POFUT4: variants seen among roughly 807,000 people sequenced by gnomAD.
POFUT4 encodes protein O-fucosyltransferase 4.
the POFUT4 span, chr10:73,772,851 G>T: frequency 3.1e-6 from 5 of 1,612,148 alleles, no homozygotes; most frequent in South Asian, 4.4e-5. Context: ...ACCTTCAGTC[G>T]CCACTCGGAT....
At chr10:73,775,276 C>A in the POFUT4 span, 1 of 752,410 alleles carries the variant, frequency 1.3e-6, no homozygotes, top group Non-Finnish European at 2.2e-6. Context: ...GCCTCTGAAC[C>A]CCCTCCACAT....
the POFUT4 span, among the ~76,000 whole-genome samples, chr10:73,777,067 T>C: frequency 2.0e-5 from 3 of 152,188 alleles, no homozygotes; most frequent in East Asian, 1.9e-4. Flanking sequence ...CTTGCCATCA[T>C]TCTTACTGCT....
the POFUT4 span, among the ~76,000 whole-genome samples, chr10:73,778,435 AG>A: frequency 6.7e-6 from 1 of 149,688 alleles, no homozygotes; most frequent in Non-Finnish European, 1.5e-5. Flanking sequence ...TTGGGGATGC[AG>A]CCAAACCCTT....
chr10:73,774,492 T>G, the POFUT4 span: 1 of 151,920 alleles, frequency 6.6e-6, no homozygotes, highest in African/African-American at 2.4e-5. Context: ...ATATATAATA[T>G]AATATATTGA....
At chr10:73,772,996 A>C in the POFUT4 span, 2 of 1,594,650 alleles carry the variant, frequency 1.3e-6, no homozygotes, top group African/African-American at 2.7e-5. Flanking sequence ...GCGACGTGCC[A>C]GCGGACCGGG....
the POFUT4 span, chr10:73,772,739 C>T: frequency 1.3e-6 from 2 of 1,598,454 alleles, no homozygotes; most frequent in African/African-American, 2.7e-5. Context: ...CCCGCTGCCG[C>T]GCCTGGCGCA....
the POFUT4 span, chr10:73,773,241 C>T: frequency 1.2e-6 from 2 of 1,613,704 alleles, no homozygotes; most frequent in Non-Finnish European, 8.5e-7. Context: ...TACCGCGCGG[C>T]TACAGGACAC....
the POFUT4 span, chr10:73,773,656 G>A: frequency 6.2e-7 from 1 of 1,614,242 alleles, no homozygotes; most frequent in Non-Finnish European, 8.5e-7. Context: ...TGTTTCGTCT[G>A]TGACTACGAA....
the POFUT4 span, chr10:73,772,829 A>G: frequency 1.2e-6 from 2 of 1,612,158 alleles, no homozygotes; most frequent in Non-Finnish European, 1.7e-6. Flanking sequence ...CCGCCTCTTC[A>G]ATCTTACCTC....
At chr10:73,772,457 T>G in the POFUT4 span, 2 of 1,559,192 alleles carry the variant, frequency 1.3e-6, no homozygotes, top group Non-Finnish European at 1.7e-6. Context: ...GGCGGAACCG[T>G]GGGATGGCGC....
At chr10:73,773,936 GTATT>G in the POFUT4 span, 1 of 1,101,800 alleles carries the variant, frequency 9.1e-7, no homozygotes, top group Non-Finnish European at 1.3e-6. Flanking sequence ...GGCTCATTCT[GTATT>G]TAAGGTGTCA....
chr10:73,774,388 A>T, the POFUT4 span: 1 of 152,070 alleles, frequency 6.6e-6, no homozygotes, highest in African/African-American at 2.4e-5. Context: ...TAACTAGAAA[A>T]ACTAGGCATG....
chr10:73,775,228 T>A, the POFUT4 span: 7 of 605,014 alleles, frequency 1.2e-5, no homozygotes, highest in Non-Finnish European at 2.1e-5. Flanking sequence ...GCTTTCCTTA[T>A]GGAGACTGCC....
the POFUT4 span, chr10:73,772,692 T>C: frequency 1.3e-6 from 2 of 1,570,616 alleles, no homozygotes; most frequent in East Asian, 2.3e-5. Context: ...ACGCGCGCGC[T>C]GCTCTTCTAC....
chr10:73,777,604 G>T, the POFUT4 span, among the ~76,000 whole-genome samples: 1 of 151,204 alleles, frequency 6.6e-6, no homozygotes, highest in Admixed American at 6.6e-5. Flanking sequence ...GCCCAGGCTG[G>T]AGTGCAGTGG....
At chr10:73,772,585 G>A in the POFUT4 span, 1 of 1,585,848 alleles carries the variant, frequency 6.3e-7, no homozygotes, top group South Asian at 1.1e-5. Context: ...GGAGCCCAGG[G>A]CTATTCCCCC....
chr10:73,776,898 C>T, the POFUT4 span, among the ~76,000 whole-genome samples: 31 of 152,294 alleles, frequency 2.0e-4, no homozygotes, highest in African/African-American at 7.2e-4. Context: ...CAAGGATAGT[C>T]TCGATTTCTT....
At chr10:73,779,518 A>AC in the POFUT4 span, 1 of 151,570 alleles carries the variant, frequency 6.6e-6, no homozygotes, top group Non-Finnish European at 1.5e-5. Flanking sequence ...AACCAAGATC[A>AC]CGCCATTGCA....
chr10:73,773,063 G>A, the POFUT4 span: 34 of 1,552,286 alleles, frequency 2.2e-5, no homozygotes, highest in East Asian at 1.1e-4. Context: ...CGGGCCGGAG[G>A]GAAGGAAAAG....
Sources: gnomAD v4.1 joint callset for allele counts (sites outside exome capture counted in the v4.1 genomes callset) on GRCh38, gnomAD v4.1.1 for gene constraint, MANE v1.5 for transcripts, NCBI Gene and HGNC (gene_info 2026-07-23, HGNC 2026-07-21) for gene names.